Variants in CHST11 observed in about 807,000 individuals in gnomAD.
The protein encoded by CHST11 is carbohydrate sulfotransferase 11.
In CHST11, 9 loss-of-function variants were observed where a neutral mutation model predicts 30.4. The ratio of observed to expected loss-of-function variants is 0.30; its 90% CI spans 0.18 to 0.52. The LOEUF (loss-of-function observed/expected upper bound fraction) is 0.52, where lower values mean the gene tolerates loss of function less well. Among genes scored for constraint, CHST11 ranks in the 20% least tolerant of loss-of-function variants. The pLI, the probability that CHST11 is intolerant of heterozygous loss-of-function variation, is 0.97. For missense variants in CHST11, 348 were observed against 460.6 expected (o/e 0.76, Z 2.24); for synonymous variants, 152 against 187.8 (o/e 0.81, Z 1.56).
At chr12:104,579,263 AGTT>A (rs1374321067) in intron 1 of CHST11, among the ~76,000 whole-genome samples, 2 of 152,154 alleles carry the variant, frequency 1.3e-5, no homozygotes, top group Non-Finnish European at 2.9e-5. Context: ...TGTGGGAGGC[AGTT>A]GTTGTGTAGA....
intron 1 of CHST11, among the ~76,000 whole-genome samples, chr12:104,562,702 C>T (rs1373463050): frequency 6.6e-6 from 1 of 152,196 alleles, no homozygotes; most frequent in African/African-American, 2.4e-5. Context: ...ATCCTTATCT[C>T]ACAGAGGACC....
chr12:104,666,411 G>T (rs2136091919), intron 2 of CHST11, among the ~76,000 whole-genome samples: 1 of 152,290 alleles, frequency 6.6e-6, no homozygotes, highest in Middle Eastern at 3.4e-3. Context: ...AACGTGGGCA[G>T]GCTTTTGTAG....
chr12:104,596,562 G>C (rs531885995), intron 1 of CHST11, among the ~76,000 whole-genome samples: 20 of 122,194 alleles, frequency 1.6e-4, no homozygotes, highest in Admixed American at 3.6e-4. Flanking sequence ...AAACAGACGT[G>C]GGTTGTCAAT....
intron 1 of CHST11, among the ~76,000 whole-genome samples, chr12:104,594,834 G>A (rs1257028230): frequency 2.0e-5 from 3 of 152,220 alleles, no homozygotes; most frequent in Admixed American, 2.0e-4. Context: ...GCATATGTCT[G>A]TAGTCCCAGG....
chr12:104,555,613 A>G (rs1438078175), intron 1 of CHST11, among the ~76,000 whole-genome samples: 2 of 152,238 alleles, frequency 1.3e-5, no homozygotes. Context: ...ATCTTGGACA[A>G]GTGGCCCAAC....
chr12:104,480,106 A>G (rs1387678324), intron 1 of CHST11, among the ~76,000 whole-genome samples: 1 of 151,968 alleles, frequency 6.6e-6, no homozygotes, highest in Non-Finnish European at 1.5e-5. Context: ...AAGGTTCTAT[A>G]CTTTAGTTGG....
At chr12:104,666,431 C>T (rs1468244610) in intron 2 of CHST11, among the ~76,000 whole-genome samples, 1 of 152,140 alleles carries the variant, frequency 6.6e-6, no homozygotes, top group Non-Finnish European at 1.5e-5. Flanking sequence ...GTCCCCTTTA[C>T]CTTGAATTCT....
At chr12:104,577,234 A>AT (rs34967812) in intron 1 of CHST11, among the ~76,000 whole-genome samples, 1,905 of 74,258 alleles carry the variant, frequency 0.026, 92 homozygotes, top group African/African-American at 0.04. Flanking sequence ...GCAGCCCTTC[A>AT]TTTTTTTTTT....
chr12:104,514,317 T>A (rs912604757), intron 1 of CHST11: 7 of 938,034 alleles, frequency 7.5e-6, no homozygotes, highest in Non-Finnish European at 1.1e-5. Flanking sequence ...GATCATTGGC[T>A]GTGCCAGAAA....
intron 2 of CHST11, among the ~76,000 whole-genome samples, chr12:104,628,175 G>A (rs767674827): frequency 2.0e-4 from 30 of 152,122 alleles, no homozygotes; most frequent in Non-Finnish European, 3.4e-4. Context: ...TCAGGGCCCC[G>A]ACATTCGCCA....
At chr12:104,695,899 G>A (rs912319150) in intron 2 of CHST11, among the ~76,000 whole-genome samples, 2 of 152,162 alleles carry the variant, frequency 1.3e-5, no homozygotes, top group Admixed American at 6.5e-5. Context: ...GAGCCAACCC[G>A]ATGAATAACG....
intron 1 of CHST11, among the ~76,000 whole-genome samples, chr12:104,556,837 C>T (rs1041404556): frequency 6.6e-6 from 1 of 152,044 alleles, no homozygotes; most frequent in Admixed American, 6.6e-5. Flanking sequence ...AAAAATTAGC[C>T]AGGTGTGGTG....
chr12:104,550,783 G>A (rs1453104361), intron 1 of CHST11, among the ~76,000 whole-genome samples: 3 of 152,178 alleles, frequency 2.0e-5, no homozygotes, highest in Non-Finnish European at 4.4e-5. Context: ...TTATTCCACT[G>A]GTGCTCAAGG....
chr12:104,629,442 G>T (rs1043575272), intron 2 of CHST11, among the ~76,000 whole-genome samples: 1 of 152,234 alleles, frequency 6.6e-6, no homozygotes, highest in East Asian at 1.9e-4. Context: ...GTTCAGAGAA[G>T]GTTAAGCCCT....
chr12:104,563,297 C>T (rs551820823), intron 1 of CHST11, among the ~76,000 whole-genome samples: 1 of 152,314 alleles, frequency 6.6e-6, no homozygotes, highest in African/African-American at 2.4e-5. Context: ...CTCGGCCTCC[C>T]TAAGTGCTGG....
chr12:104,657,721 C>T (rs56205738), intron 2 of CHST11, among the ~76,000 whole-genome samples: 18,502 of 152,084 alleles, frequency 0.12, 1,596 homozygotes, highest in African/African-American at 0.24. Flanking sequence ...GTGATGGTGG[C>T]GCTGGCTACC....
chr12:104,483,964 T>G (rs1401904684), intron 1 of CHST11, among the ~76,000 whole-genome samples: 2 of 152,204 alleles, frequency 1.3e-5, no homozygotes, highest in African/African-American at 4.8e-5. Flanking sequence ...GATCTGAACC[T>G]GGGCCTGCTT....
At position 104,760,948 on chromosome 12, in the gene CHST11, T is replaced by C. The variant is rs2040519532; in HGVS notation, c.*3145T>C. The C allele has an allele frequency of 6.6e-6, 1 of 152,240 alleles. No individual in the cohort carries two copies. Among genetic ancestry groups the C allele is most frequent in the Admixed American group, 6.5e-5 (1 of 15,286 alleles). The allele number at this position is 152,240 out of a possible 1,614,324, so 9.4% of individuals were successfully genotyped here. ...AAACTGCTTTCTATGCATGCTTAGC[T>C]GGAGAAAAGTACAGGCAGGCGTCCC... is the stretch of plus-strand genomic sequence containing the variant. On this transcript the variant is annotated 3_prime_UTR_variant, in exon 3 of 3. Coordinates refer to ENST00000303694, the MANE Select transcript of CHST11 (RefSeq NM_018413.6).
At chr12:104,658,137 C>A (rs544539763) in intron 2 of CHST11, among the ~76,000 whole-genome samples, 3 of 152,322 alleles carry the variant, frequency 2.0e-5, no homozygotes, top group Admixed American at 6.5e-5. Context: ...ACCTGCAGTG[C>A]CTCTTGGTGA....
Sources: gnomAD v4.1 joint callset for allele counts (sites outside exome capture counted in the v4.1 genomes callset) on GRCh38, gnomAD v4.1.1 for gene constraint, MANE v1.5 for transcripts, NCBI Gene and HGNC (gene_info 2026-07-23, HGNC 2026-07-21) for gene names.